The following FTO variants were observed in gnomAD, a reference collection of about 807,000 sequenced individuals.
The protein encoded by FTO is FTO alpha-ketoglutarate dependent dioxygenase.
Under a neutral mutation model 63.9 loss-of-function variants are expected in FTO, and 47 were observed. The ratio of observed to expected loss-of-function variants is 0.74; its 90% confidence interval spans 0.58 to 0.94. The LOEUF (loss-of-function observed/expected upper bound fraction) is 0.94, where lower values mean the gene tolerates loss of function less well. Ranked by LOEUF, FTO falls within the 40% of genes least tolerant of loss-of-function variation. FTO has a pLI of 0.00. For missense variants in FTO, 562 were observed against 618.1 expected, an observed-to-expected ratio of 0.91 and a Z score of 0.96; for synonymous variants, 207 against 224.4, an observed-to-expected ratio of 0.92 and a Z score of 0.69.
chr16:53,809,418 TC>T (rs2078461579), intron 1 of FTO, among the ~76,000 whole-genome samples: 1 of 152,152 alleles, frequency 6.6e-6, no homozygotes, highest in South Asian at 2.1e-4. Context: ...GTTTGGTATT[TC>T]CAGTGATAGT....
chr16:53,980,873 A>G (rs1376696977), intron 8 of FTO, among the ~76,000 whole-genome samples: 4 of 152,224 alleles, frequency 2.6e-5, no homozygotes, highest in African/African-American at 9.6e-5. Flanking sequence ...GATTAGATGC[A>G]AAAACCACTT....
chr16:54,052,343 C>A (rs1297226786), intron 8 of FTO, among the ~76,000 whole-genome samples: 1 of 152,042 alleles, frequency 6.6e-6, no homozygotes, highest in Non-Finnish European at 1.5e-5. Context: ...TTAAATATTT[C>A]CATATGAAGA....
At chr16:53,965,083 T>G (rs2083167048) in intron 8 of FTO, among the ~76,000 whole-genome samples, 1 of 152,136 alleles carries the variant, frequency 6.6e-6, no homozygotes, top group East Asian at 1.9e-4. Context: ...CCCGCCCTTT[T>G]TTTGTTTTGA....
intron 8 of FTO, among the ~76,000 whole-genome samples, chr16:54,029,736 C>T (rs1329547826): frequency 5.3e-5 from 8 of 152,228 alleles, no homozygotes; most frequent in South Asian, 2.1e-4. Context: ...TCTGTGGTGA[C>T]GGGGAGAATG....
chr16:53,983,189 C>T (rs969975318), intron 8 of FTO, among the ~76,000 whole-genome samples: 3 of 151,954 alleles, frequency 2.0e-5, no homozygotes, highest in Non-Finnish European at 4.4e-5. Context: ...TCCATCCTAA[C>T]GGTAAAAGAG....
intron 2 of FTO, among the ~76,000 whole-genome samples, chr16:53,818,120 G>T (rs1247971942): frequency 2.0e-5 from 3 of 150,952 alleles, no homozygotes; most frequent in Admixed American, 6.6e-5. Context: ...TTGACAGAAT[G>T]AATTAATATT....
intron 1 of FTO, among the ~76,000 whole-genome samples, chr16:53,766,304 C>T (rs1403494441): frequency 6.6e-6 from 1 of 152,262 alleles, no homozygotes; most frequent in East Asian, 1.9e-4. Flanking sequence ...TGGCTCACTG[C>T]AGCCTTGACC....
At chr16:54,028,473 G>T (rs1292627344) in intron 8 of FTO, among the ~76,000 whole-genome samples, 2 of 152,120 alleles carry the variant, frequency 1.3e-5, no homozygotes, top group African/African-American at 4.8e-5. Flanking sequence ...GATGTGCCAA[G>T]CCAAGTGACA....
rs930543006 is a variant in FTO at position 54,090,198 on chromosome 16, C to G, written c.1365-21564C>G. ...ATGCATACAGTGGAATATTATTCAG[C>G]CATTCTAAGGAATGAAATTGAAACA... is the stretch of plus-strand genomic sequence containing the variant. On this transcript the variant is annotated intron_variant, in intron 8 of 8. Coordinates refer to ENST00000471389, the MANE Select transcript of FTO (RefSeq NM_001080432.3). Among the ~76,000 whole-genome samples, 5 of 152,252 alleles carry G rather than the reference C, an allele frequency of 3.3e-5. No individual in the cohort carries two copies. In the South Asian group the frequency reaches 8.3e-4, roughly 25 times the overall value.
At chr16:53,879,801 T>C (rs760030634) in intron 5 of FTO, 43 bp from the exon 6 acceptor site, 5 of 1,611,238 alleles carry the variant, frequency 3.1e-6, no homozygotes, top group Non-Finnish European at 4.2e-6. Context: ...AGAGTAAACT[T>C]AGATTTTGCC....
chr16:53,820,612 G>A (rs541489080), intron 2 of FTO, among the ~76,000 whole-genome samples: 4 of 151,724 alleles, frequency 2.6e-5, no homozygotes, highest in African/African-American at 7.3e-5. Flanking sequence ...TATATCTCCT[G>A]ATGCTATCCC....
At chr16:54,030,399 C>T (rs2084800782) in intron 8 of FTO, among the ~76,000 whole-genome samples, 1 of 152,100 alleles carries the variant, frequency 6.6e-6, no homozygotes, top group Non-Finnish European at 1.5e-5. Context: ...AAAATAAGGA[C>T]TTCGTTGTAT....
intron 1 of FTO, among the ~76,000 whole-genome samples, chr16:53,786,382 T>G (rs946385098): frequency 6.6e-6 from 1 of 152,148 alleles, no homozygotes; most frequent in African/African-American, 2.4e-5. Context: ...TTTGACAGCA[T>G]GGATTCAATG....
chr16:53,918,655 C>G (rs2081939746), intron 7 of FTO, among the ~76,000 whole-genome samples: 1 of 152,044 alleles, frequency 6.6e-6, no homozygotes, highest in African/African-American at 2.4e-5. Flanking sequence ...TTTTATGTCC[C>G]CCTTGGTCAT....
intron 1 of FTO, among the ~76,000 whole-genome samples, chr16:53,782,152 C>T: frequency 6.6e-6 from 1 of 152,154 alleles, no homozygotes; most frequent in Non-Finnish European, 1.5e-5. Context: ...GAGTCCATAC[C>T]AACCAAGGTC....
At chr16:53,736,571 C>T (rs1234556381) in intron 1 of FTO, among the ~76,000 whole-genome samples, 1 of 152,150 alleles carries the variant, frequency 6.6e-6, no homozygotes, top group Non-Finnish European at 1.5e-5. Flanking sequence ...CAAAATACCT[C>T]CTTCCAGCAC....
At chr16:53,997,405 G>A (rs1375140206) in intron 8 of FTO, among the ~76,000 whole-genome samples, 1 of 152,072 alleles carries the variant, frequency 6.6e-6, no homozygotes, top group Non-Finnish European at 1.5e-5. Flanking sequence ...AACCGTATCA[G>A]GTGTGTTTGG....
chr16:53,831,145 C>T (rs1320280515), intron 3 of FTO, among the ~76,000 whole-genome samples: 1 of 152,144 alleles, frequency 6.6e-6, no homozygotes, highest in Non-Finnish European at 1.5e-5. Context: ...TTTCTCAGCT[C>T]ATCACTGAGA....
chr16:53,893,718 T>G (rs1004967301), intron 7 of FTO, among the ~76,000 whole-genome samples: 1 of 152,202 alleles, frequency 6.6e-6, no homozygotes, highest in Non-Finnish European at 1.5e-5. Context: ...GACAATCGTT[T>G]CCAGAGTAAA....
Sources: gnomAD v4.1 joint callset for allele counts (sites outside exome capture counted in the v4.1 genomes callset) on GRCh38, gnomAD v4.1.1 for gene constraint, MANE v1.5 for transcripts, NCBI Gene and HGNC (gene_info 2026-07-23, HGNC 2026-07-21) for gene names.